The following DYNC1I1 variants were observed in gnomAD, a reference collection of about 807,000 sequenced individuals.
DYNC1I1 encodes cytoplasmic dynein 1 intermediate chain 1.
Under a neutral mutation model 86.6 loss-of-function variants are expected in DYNC1I1, and 43 were observed. The ratio of observed to expected loss-of-function variants is 0.50; its 90% CI spans 0.39 to 0.64. DYNC1I1 has a LOEUF of 0.64. Ranked by LOEUF, DYNC1I1 falls within the 30% of genes least tolerant of loss-of-function variation. The probability of loss-of-function intolerance (pLI) is 0.00; values close to 1 mark genes in which losing one functional copy is unlikely to be tolerated. For missense variants in DYNC1I1, 604 were observed against 788.8 expected (o/e 0.77, Z 2.81); for synonymous variants, 262 against 283.7 (o/e 0.92, Z 0.77).
chr7:95,911,370 C>A (rs1285369685), intron 6 of DYNC1I1, among the ~76,000 whole-genome samples: 1 of 152,054 alleles, frequency 6.6e-6, no homozygotes, highest in Non-Finnish European at 1.5e-5. Flanking sequence ...TGGAGTGGGG[C>A]CGGTGGAGAG....
intron 16 of DYNC1I1, among the ~76,000 whole-genome samples, chr7:96,090,135 G>A (rs1025461733): frequency 5.9e-5 from 9 of 152,208 alleles, no homozygotes; most frequent in South Asian, 2.1e-4. Flanking sequence ...AAAATAAGGC[G>A]AAAAGATTTC....
chr7:95,922,837 A>C (rs528188181), intron 6 of DYNC1I1, among the ~76,000 whole-genome samples: 5 of 151,838 alleles, frequency 3.3e-5, no homozygotes, highest in Non-Finnish European at 7.4e-5. Context: ...AGTCCTTCTT[A>C]GTTTACCTCC....
intron 1 of DYNC1I1, among the ~76,000 whole-genome samples, chr7:95,799,249 C>A (rs1794519750): frequency 6.6e-6 from 1 of 152,090 alleles, no homozygotes; most frequent in South Asian, 2.1e-4. Context: ...CCCAGTAGCA[C>A]CCACCTGTAG....
chr7:95,774,962 T>C (rs1274208531), intron 1 of DYNC1I1, among the ~76,000 whole-genome samples: 4 of 152,240 alleles, frequency 2.6e-5, no homozygotes, highest in African/African-American at 9.6e-5. Context: ...CAAACAAATA[T>C]ATTCCTTCAT....
At chr7:95,973,396 C>A (rs930995850) in intron 6 of DYNC1I1, among the ~76,000 whole-genome samples, 4 of 152,194 alleles carry the variant, frequency 2.6e-5, no homozygotes, top group African/African-American at 9.6e-5. Context: ...TCTGTGACCA[C>A]TAAAAATTAA....
chr7:96,062,573 T>C (rs1789814184), intron 14 of DYNC1I1, among the ~76,000 whole-genome samples: 2 of 152,322 alleles, frequency 1.3e-5, no homozygotes, highest in Non-Finnish European at 2.9e-5. Flanking sequence ...CTTCTGATCT[T>C]CTGTCTTTGC....
chr7:95,990,979 A>AG (rs1185162960), intron 9 of DYNC1I1, among the ~76,000 whole-genome samples: 1 of 152,138 alleles, frequency 6.6e-6, no homozygotes, highest in Non-Finnish European at 1.5e-5. Flanking sequence ...CAGTGAGCTA[A>AG]GGTCTCATCA....
At chr7:95,906,299 A>G (rs1791175055) in intron 6 of DYNC1I1, among the ~76,000 whole-genome samples, 1 of 152,144 alleles carries the variant, frequency 6.6e-6, no homozygotes, top group African/African-American at 2.4e-5. Flanking sequence ...CCCTTGAGCT[A>G]CGGTTTCTGC....
intron 6 of DYNC1I1, among the ~76,000 whole-genome samples, chr7:95,938,249 T>A (rs1461902778): frequency 2.0e-5 from 3 of 152,208 alleles, no homozygotes; most frequent in Non-Finnish European, 4.4e-5. Flanking sequence ...TCACTGATAC[T>A]TTATTTAGCA....
chr7:95,860,122 G>A (rs1789837701), intron 5 of DYNC1I1, among the ~76,000 whole-genome samples: 1 of 152,118 alleles, frequency 6.6e-6, no homozygotes, highest in Non-Finnish European at 1.5e-5. Flanking sequence ...GAGGACAATT[G>A]CTGGAGAGTC....
intron 1 of DYNC1I1, among the ~76,000 whole-genome samples, chr7:95,776,183 G>T (rs953631486): frequency 6.6e-6 from 1 of 152,038 alleles, no homozygotes; most frequent in Non-Finnish European, 1.5e-5. Flanking sequence ...ACAGAGCAAG[G>T]CCCTGTCTTA....
chr7:96,062,426 T>C, intron 14 of DYNC1I1, among the ~76,000 whole-genome samples: 1 of 151,628 alleles, frequency 6.6e-6, no homozygotes, highest in East Asian at 1.9e-4. Context: ...TTCTTTTGTT[T>C]TTTTCTTTTT....
chr7:95,853,445 G>C (rs3886065), intron 5 of DYNC1I1, among the ~76,000 whole-genome samples: 261 of 152,196 alleles, frequency 1.7e-3, no homozygotes, highest in African/African-American at 5.9e-3. Flanking sequence ...CTCAATCTTA[G>C]ACATCCCAGC....
In DYNC1I1 at chr7:95,986,335, A is replaced by G. The variant is rs1329540300; in HGVS notation, c.744-721A>G. 2.6e-5 allele frequency among the ~76,000 whole-genome samples: 4 copies of G among 152,146 alleles called. No individual in the cohort carries two copies. The East Asian group carries it at 7.8e-4, about 29-fold the overall frequency. The stretch of plus-strand genomic sequence containing the variant: ...CCGTAGTTCCTGGTCCAGAACAAAC[A>G]TTACTCGATGTAAATACTCAGCTTG... On this transcript the variant is annotated intron_variant, in intron 8 of 16. Coordinates refer to ENST00000447467, the MANE Select transcript of DYNC1I1 (RefSeq NM_001135556.2).
intron 6 of DYNC1I1, among the ~76,000 whole-genome samples, chr7:95,894,761 G>A (rs1255710020): frequency 6.6e-6 from 1 of 152,198 alleles, no homozygotes; most frequent in African/African-American, 2.4e-5. Flanking sequence ...CTCTTGGAAA[G>A]CATTTTCTGC....
At position 95,979,824 on chromosome 7, in the gene DYNC1I1, A is replaced by C. The variant is rs527535811; in HGVS notation, c.580+2223A>C. Among the ~76,000 whole-genome samples, 113 of 152,286 alleles carry C rather than the reference A, an allele frequency of 7.4e-4. 2 individuals are homozygous for C. The highest frequency in any genetic ancestry group is 2.6e-3 in the African/African-American group (109 of 41,562). On this transcript the variant is annotated intron_variant, in intron 7 of 16. Transcript: ENST00000447467. ...TTACTCTTTCTGAGAGTCTAAATGAATTTGATCGAAGAGATCTCACATTTA... is the reference window on the plus strand; with the variant it reads ...TTACTCTTTCTGAGAGTCTAAATGACTTTGATCGAAGAGATCTCACATTTA...
At chr7:96,093,179 T>C (rs1790898417) in intron 16 of DYNC1I1, among the ~76,000 whole-genome samples, 1 of 152,184 alleles carries the variant, frequency 6.6e-6, no homozygotes, top group African/African-American at 2.4e-5. Flanking sequence ...TGACTGACAA[T>C]TTAAAGAAAA....
At chr7:95,947,381 T>C (rs1206811126) in intron 6 of DYNC1I1, among the ~76,000 whole-genome samples, 2 of 152,228 alleles carry the variant, frequency 1.3e-5, no homozygotes, top group African/African-American at 2.4e-5. Context: ...TACCAGATTG[T>C]GTTCCAGAAA....
intron 10 of DYNC1I1, among the ~76,000 whole-genome samples, chr7:96,006,677 T>C (rs739512): frequency 0.16 from 23,672 of 152,110 alleles, 2,132 homozygotes; most frequent in South Asian, 0.31. Context: ...CTAAAGAAGA[T>C]CAGGATAATT....
Sources: gnomAD v4.1 joint callset for allele counts (sites outside exome capture counted in the v4.1 genomes callset) on GRCh38, gnomAD v4.1.1 for gene constraint, MANE v1.5 for transcripts, NCBI Gene and HGNC (gene_info 2026-07-23, HGNC 2026-07-21) for gene names.